The following DCDC1 variants were observed in gnomAD, a reference collection of about 807,000 sequenced individuals.
DCDC1 encodes the protein doublecortin domain-containing protein 1.
DCDC1 carries 200 observed loss-of-function variants against 178.3 expected under a neutral mutation model. That is an observed-to-expected ratio of 1.12 (90% CI 1.00 to 1.26). The LOEUF is 1.26. DCDC1 is among the 50% of genes most tolerant of loss of function. The pLI is 0.00. For synonymous variants in DCDC1, 690 were observed against 604.8 expected (o/e 1.14, Z -2.07); for missense variants, 1,983 against 1,749.2 (o/e 1.13, Z -2.38).
At chr11:31,325,394 A>AT (rs897592610) in intron 3 of DCDC1, among the ~76,000 whole-genome samples, 2 of 152,146 alleles carry the variant, frequency 1.3e-5, no homozygotes, top group Non-Finnish European at 2.9e-5. Flanking sequence ...ATGAGGCTAC[A>AT]TTTTTTTAGT....
At chr11:31,361,849 C>A (rs1353556374) in intron 1 of DCDC1, among the ~76,000 whole-genome samples, 1 of 152,162 alleles carries the variant, frequency 6.6e-6, no homozygotes, top group East Asian at 1.9e-4. Flanking sequence ...AGCATTTGCT[C>A]CAAATCCAAC....
At chr11:31,248,807 T>C (rs1943759830) in intron 8 of DCDC1, among the ~76,000 whole-genome samples, 1 of 152,134 alleles carries the variant, frequency 6.6e-6, no homozygotes, top group Admixed American at 6.6e-5. Flanking sequence ...TTTACATATT[T>C]TTGTCTACGA....
chr11:31,248,573 T>C (rs1442520106), intron 8 of DCDC1, among the ~76,000 whole-genome samples: 1 of 152,042 alleles, frequency 6.6e-6, no homozygotes, highest in Non-Finnish European at 1.5e-5. Flanking sequence ...CTAATGTGAG[T>C]AAAACAGTTT....
At chr11:31,059,920 C>G (rs1206858213) in intron 20 of DCDC1, among the ~76,000 whole-genome samples, 1 of 151,930 alleles carries the variant, frequency 6.6e-6, no homozygotes, top group African/African-American at 2.4e-5. Context: ...TAGACATGAT[C>G]ATTATTTGTC....
chr11:31,094,431 C>T (rs1203903376), intron 15 of DCDC1, among the ~76,000 whole-genome samples: 1 of 152,064 alleles, frequency 6.6e-6, no homozygotes, highest in Non-Finnish European at 1.5e-5. Flanking sequence ...CCCAAAGAAA[C>T]ATACAACAGA....
intron 20 of DCDC1, among the ~76,000 whole-genome samples, chr11:30,996,042 A>C (rs1420146280): frequency 6.6e-6 from 1 of 152,190 alleles, no homozygotes; most frequent in Non-Finnish European, 1.5e-5. Flanking sequence ...TGTCTCCACT[A>C]TGTATAATGA....
At chr11:31,086,945 T>C (rs1957517793) in intron 17 of DCDC1, among the ~76,000 whole-genome samples, 2 of 152,152 alleles carry the variant, frequency 1.3e-5, no homozygotes, top group South Asian at 2.1e-4. Flanking sequence ...CTGGATAAGA[T>C]TGTGTAGAAT....
At chr11:31,181,639 G>A (rs1302006134) in intron 9 of DCDC1, among the ~76,000 whole-genome samples, 1 of 152,088 alleles carries the variant, frequency 6.6e-6, no homozygotes, top group Non-Finnish European at 1.5e-5. Context: ...ACTGGTAAAA[G>A]GAAAACTAAC....
At chr11:30,900,728 A>G (rs549228768) in intron 32 of DCDC1, among the ~76,000 whole-genome samples, 1 of 152,234 alleles carries the variant, frequency 6.6e-6, no homozygotes, top group African/African-American at 2.4e-5. Flanking sequence ...CTTACACATC[A>G]CCTAGTTCTG....
At chr11:31,267,368 T>A (rs1945240314) in intron 7 of DCDC1, among the ~76,000 whole-genome samples, 1 of 152,070 alleles carries the variant, frequency 6.6e-6, no homozygotes, top group Admixed American at 6.5e-5. Flanking sequence ...TTTTTTGTAT[T>A]TTTAGTAGAG....
chr11:31,202,801 G>A (rs1591389632), intron 9 of DCDC1, among the ~76,000 whole-genome samples: 2 of 152,084 alleles, frequency 1.3e-5, no homozygotes. Context: ...CTCCATATAC[G>A]GAGAGGTTCA....
intron 20 of DCDC1, among the ~76,000 whole-genome samples, chr11:31,037,886 G>C (rs531244693): frequency 6.6e-6 from 1 of 152,142 alleles, no homozygotes; most frequent in South Asian, 2.1e-4. Flanking sequence ...CTTTTATTTA[G>C]TGTTTTTTAG....
At chr11:30,927,869 C>CA (rs1169441920) in intron 22 of DCDC1, among the ~76,000 whole-genome samples, 3 of 151,904 alleles carry the variant, frequency 2.0e-5, no homozygotes, top group East Asian at 1.9e-4. Context: ...GCATACTTTG[C>CA]AAAAAAGTTC....
intron 9 of DCDC1, among the ~76,000 whole-genome samples, chr11:31,214,527 A>T (rs575778930): frequency 6.6e-6 from 1 of 152,156 alleles, no homozygotes; most frequent in African/African-American, 2.4e-5. Flanking sequence ...TAGGGAGGGG[A>T]GGTGCCTCCT....
chr11:30,984,650 G>A (rs1323453640), intron 20 of DCDC1, among the ~76,000 whole-genome samples: 1 of 152,174 alleles, frequency 6.6e-6, no homozygotes, highest in East Asian at 1.9e-4. Flanking sequence ...CAATCCCCAA[G>A]GATTTGCAAA....
intron 9 of DCDC1, among the ~76,000 whole-genome samples, chr11:31,225,537 CAATA>C (rs886638056): frequency 2.0e-5 from 3 of 150,760 alleles, no homozygotes; most frequent in African/African-American, 7.3e-5. Flanking sequence ...AAAAGAATAA[CAATA>C]TATACATATA....
At chr11:31,211,678 G>A (rs549480175) in intron 9 of DCDC1, among the ~76,000 whole-genome samples, 6 of 151,918 alleles carry the variant, frequency 3.9e-5, no homozygotes, top group South Asian at 4.1e-4. Context: ...TTTTCCTTTC[G>A]TATTTTCTGC....
At chr11:30,867,472 G>A (rs187827626) in intron 38 of DCDC1, among the ~76,000 whole-genome samples, 11 of 152,298 alleles carry the variant, frequency 7.2e-5, no homozygotes, top group Admixed American at 3.3e-4. Context: ...TATGGTGCCC[G>A]GTACAGGTAG....
intron 20 of DCDC1, among the ~76,000 whole-genome samples, chr11:31,014,236 C>T (rs1464527105): frequency 1.3e-5 from 2 of 152,012 alleles, no homozygotes; most frequent in Non-Finnish European, 2.9e-5. Flanking sequence ...TTTCTCCCCC[C>T]TCCCCTCCCT....
Sources: allele counts gnomAD v4.1 joint callset (sites outside exome capture counted in the v4.1 genomes callset), GRCh38; gene constraint gnomAD v4.1.1; transcripts MANE v1.5; gene names NCBI Gene and HGNC (gene_info 2026-07-23, HGNC 2026-07-21).